Variants in KIF26B observed in about 807,000 individuals in gnomAD.
KIF26B encodes the protein kinesin family member 26B, also known as kinesin-like protein KIF26B.
KIF26B carries 63 observed loss-of-function variants against 151.2 expected under a neutral mutation model. That is an observed-to-expected ratio of 0.42 (90% CI 0.34 to 0.51). The LOEUF is 0.51. KIF26B is among the 20% of genes least tolerant of loss of function. KIF26B has a pLI of 0.07. For synonymous variants in KIF26B, 1,357 were observed against 1,262.1 expected (o/e 1.08, Z -1.59); for missense variants, 2,813 against 2,913.6 (o/e 0.97, Z 0.79).
intron 9 of KIF26B, among the ~76,000 whole-genome samples, chr1:245,640,143 C>CTCTCTCTCTCTCTCTATA: frequency 3.1e-5 from 1 of 31,934 alleles, no homozygotes; most frequent in African/African-American, 1.4e-4. Flanking sequence ...CTCTCTCTCT[C>CTCTCTCTCTCTCTCTATA]TATATATATA....
At position 245,280,537 on chromosome 1, in the gene KIF26B, A is replaced by AAAAAAAAGAAAAG. The variant is rs752454576; in HGVS notation, c.466-86293_466-86292insAAAGAAAAGAAAA. Among the ~76,000 whole-genome samples, 4 of 123,660 alleles carry AAAAAAAAGAAAAG rather than the reference A, an allele frequency of 3.2e-5. 1 individual carries two copies. Among genetic ancestry groups the AAAAAAAAGAAAAG allele is most frequent in the African/African-American group, 1.1e-4 (4 of 36,202 alleles). 81.1% of individuals were successfully genotyped at this position (123,660 alleles called of 152,430 possible). ...CAGAGCGAGACTCTGTCTCAAAAAA[A>AAAAAAAAGAAAAG]AAAAGAAAAGAAATTATTTTAGGCA... is the stretch of plus-strand genomic sequence containing the variant. On this transcript the variant is annotated intron_variant, in intron 2 of 14. Coordinates refer to ENST00000407071, the MANE Select transcript of KIF26B (RefSeq NM_018012.4).
chr1:245,175,344 T>G lies in KIF26B; in HGVS notation c.465+18661T>G, dbSNP rs935558383. Among the ~76,000 whole-genome samples the G allele has an allele frequency of 7.9e-5, 12 of 152,064 alleles. No individual in the cohort carries two copies. The South Asian group carries it at 1.7e-3, about 21-fold the overall frequency. The stretch of plus-strand genomic sequence containing the variant: ...AGCTAGAAGTAAGTCTGGGAAAATC[T>G]AAGAATGGAGCTTCAATTTCTAGAG... On this transcript the variant is annotated intron_variant, in intron 2 of 14. Transcript: ENST00000407071.
chr1:245,616,238 C>T (rs1198220216), intron 9 of KIF26B, among the ~76,000 whole-genome samples: 3 of 152,222 alleles, frequency 2.0e-5, no homozygotes, highest in Non-Finnish European at 4.4e-5. Flanking sequence ...CTAGGTTAAG[C>T]TTAAAATATC....
intron 3 of KIF26B, among the ~76,000 whole-genome samples, chr1:245,385,898 A>G (rs148756636): frequency 2.9e-3 from 446 of 152,178 alleles, no homozygotes; most frequent in African/African-American, 0.01. Context: ...GTCCTTGGAG[A>G]TTGGTTGGAT....
chr1:245,373,439 C>A (rs900908505), intron 3 of KIF26B, among the ~76,000 whole-genome samples: 1 of 152,176 alleles, frequency 6.6e-6, no homozygotes, highest in Non-Finnish European at 1.5e-5. Context: ...AATACAGGGG[C>A]ATTTGAAAGG....
At chr1:245,263,418 T>C (rs1670683027) in intron 2 of KIF26B, among the ~76,000 whole-genome samples, 1 of 152,210 alleles carries the variant, frequency 6.6e-6, no homozygotes, top group Non-Finnish European at 1.5e-5. Context: ...TCTCACTCAG[T>C]AGTCATAATG....
intron 2 of KIF26B, among the ~76,000 whole-genome samples, chr1:245,161,091 C>A (rs1558329204): frequency 6.6e-6 from 1 of 152,142 alleles, no homozygotes; most frequent in Non-Finnish European, 1.5e-5. Flanking sequence ...TTTCAAAAAG[C>A]TTCATTTGAG....
At chr1:245,439,357 A>AAAGAAG (rs1553274574) in intron 4 of KIF26B, among the ~76,000 whole-genome samples, 1 of 125,006 alleles carries the variant, frequency 8.0e-6, no homozygotes, top group African/African-American at 3.1e-5. Flanking sequence ...AAAAAAAAAA[A>AAAGAAG]AAAAAAGAAA....
At chr1:245,322,278 C>T (rs1671902366) in intron 2 of KIF26B, among the ~76,000 whole-genome samples, 1 of 152,096 alleles carries the variant, frequency 6.6e-6, no homozygotes, top group Non-Finnish European at 1.5e-5. Flanking sequence ...GCATGCGGGG[C>T]TTAAAACCTA....
At chr1:245,681,367 G>A (rs1177716421) in intron 10 of KIF26B, among the ~76,000 whole-genome samples, 7 of 152,020 alleles carry the variant, frequency 4.6e-5, no homozygotes, top group African/African-American at 7.2e-5. Flanking sequence ...CCGCCACCAC[G>A]CCCAGCTAAT....
chr1:245,160,093 T>G (rs1387130553), intron 2 of KIF26B, among the ~76,000 whole-genome samples: 3 of 152,188 alleles, frequency 2.0e-5, no homozygotes, highest in African/African-American at 7.2e-5. Context: ...CGTGTAGAAG[T>G]GACAGCTGTG....
chr1:245,434,446 C>T (rs897177517), intron 4 of KIF26B, among the ~76,000 whole-genome samples: 5 of 152,190 alleles, frequency 3.3e-5, no homozygotes, highest in African/African-American at 1.2e-4. Flanking sequence ...CATCACTCAC[C>T]ATTCTCTCCA....
intron 5 of KIF26B, among the ~76,000 whole-genome samples, chr1:245,583,375 G>C (rs1397516935): frequency 2.6e-5 from 4 of 152,070 alleles, no homozygotes; most frequent in African/African-American, 7.2e-5. Flanking sequence ...TTTTTCACTG[G>C]AGCCTGAAAC....
intron 3 of KIF26B, among the ~76,000 whole-genome samples, chr1:245,380,306 A>G (rs1673376368): frequency 1.3e-5 from 2 of 152,170 alleles, no homozygotes; most frequent in Admixed American, 1.3e-4. Flanking sequence ...ACTGGGGAGA[A>G]AAAAAGATTC....
chr1:245,659,549 T>A (rs2044111311), intron 10 of KIF26B, among the ~76,000 whole-genome samples: 1 of 152,168 alleles, frequency 6.6e-6, no homozygotes. Flanking sequence ...AGCAAACATA[T>A]ATTTGCTCTA....
chr1:245,504,118 G>T (rs939491569), intron 4 of KIF26B, among the ~76,000 whole-genome samples: 4 of 152,148 alleles, frequency 2.6e-5, no homozygotes, highest in African/African-American at 4.8e-5. Context: ...TGAGGGCAAG[G>T]CCAGGAGGTC....
chr1:245,456,721 T>C (rs932656629), intron 4 of KIF26B, among the ~76,000 whole-genome samples: 3 of 152,254 alleles, frequency 2.0e-5, no homozygotes, highest in Non-Finnish European at 2.9e-5. Flanking sequence ...CAAAATAGTT[T>C]AAATTTTAAC....
rs924414981 is a variant in KIF26B, at chr1:245,352,715, G to A, written c.466-14119G>A. Among the ~76,000 whole-genome samples, 5 of 152,102 alleles carry A rather than the reference G, an allele frequency of 3.3e-5. No homozygotes were observed. Among genetic ancestry groups the A allele is most frequent in the South Asian group, 2.1e-4 (1 of 4,832 alleles). Reference sequence around the variant, plus strand: ...AAAAGTGATAGAGGCAGGTGGGGACGGGGAGGTGAGTTTTCTTCGCATTTT... The same window carrying A: ...AAAAGTGATAGAGGCAGGTGGGGACAGGGAGGTGAGTTTTCTTCGCATTTT... On this transcript the variant is annotated intron_variant, in intron 2 of 14. Coordinates refer to ENST00000407071, the MANE Select transcript of KIF26B (RefSeq NM_018012.4). The surrounding 1 kb of genome is among the most constrained non-coding windows in gnomAD (Gnocchi z 5.0).
At chr1:245,664,117 C>T (rs1456040557) in intron 10 of KIF26B, among the ~76,000 whole-genome samples, 1 of 152,188 alleles carries the variant, frequency 6.6e-6, no homozygotes, top group South Asian at 2.1e-4. Flanking sequence ...GCCTGTAATC[C>T]CAGCATTTTA....
Sources: gnomAD v4.1 joint callset for allele counts (sites outside exome capture counted in the v4.1 genomes callset) on GRCh38, gnomAD v4.1.1 for gene constraint, Gnocchi (gnomAD v3.1) non-coding constraint, MANE v1.5 for transcripts, NCBI Gene and HGNC (gene_info 2026-07-23, HGNC 2026-07-21) for gene names.